The following ARID1B variants were observed in gnomAD, a reference collection of about 807,000 sequenced individuals.
ARID1B encodes AT-rich interactive domain-containing protein 1B.
Under a neutral mutation model 212.3 loss-of-function variants are expected in ARID1B, and 30 were observed. The ratio of observed to expected loss-of-function variants is 0.14; its 90% CI spans 0.11 to 0.19. The LOEUF is 0.19. Among genes scored for constraint, ARID1B ranks in the 10% least tolerant of loss-of-function variants. The pLI is 1.00. For missense variants in ARID1B, 2,891 were observed against 3,204.0 expected (o/e 0.90, Z 2.36); for synonymous variants, 1,402 against 1,301.7 (o/e 1.08, Z -1.66).
At chr6:157,121,694 G>A (rs900174514) in intron 6 of ARID1B, among the ~76,000 whole-genome samples, 11 of 148,024 alleles carry the variant, frequency 7.4e-5, no homozygotes, top group African/African-American at 2.0e-4. Context: ...GTGCAGTGGC[G>A]CGTCTCTGCT....
chr6:156,822,111 T>C (rs541083935), intron 1 of ARID1B, among the ~76,000 whole-genome samples: 3 of 152,250 alleles, frequency 2.0e-5, no homozygotes, highest in African/African-American at 4.8e-5. Context: ...CCCAAAGTGC[T>C]GAGATTACAG....
intron 2 of ARID1B, among the ~76,000 whole-genome samples, chr6:156,859,091 A>G (rs915323257): frequency 6.6e-6 from 1 of 152,044 alleles, no homozygotes; most frequent in Non-Finnish European, 1.5e-5. Flanking sequence ...TTTGATAGGA[A>G]TTTTTCAGTA....
chr6:156,857,080 G>T (rs950789155), intron 2 of ARID1B, among the ~76,000 whole-genome samples: 1 of 152,146 alleles, frequency 6.6e-6, no homozygotes, highest in Non-Finnish European at 1.5e-5. Flanking sequence ...CATCAGTGTA[G>T]TAAGATTTGT....
At chr6:156,929,652 C>G (rs894145000) in intron 3 of ARID1B, among the ~76,000 whole-genome samples, 7 of 152,222 alleles carry the variant, frequency 4.6e-5, no homozygotes, top group Non-Finnish European at 8.8e-5. Context: ...CCTAGCATAT[C>G]TATACTTGAT....
chr6:156,943,558 T>C (rs537121862), intron 4 of ARID1B: 1 of 152,280 alleles, frequency 6.6e-6, no homozygotes, highest in African/African-American at 2.4e-5. Flanking sequence ...TAGATCATGG[T>C]GTGCACATCT....
intron 15 of ARID1B, among the ~76,000 whole-genome samples, chr6:157,191,615 A>G (rs1793381218): frequency 6.6e-6 from 1 of 152,146 alleles, no homozygotes. Context: ...TTGAGGTGGC[A>G]CTGAGGCTGT....
At chr6:157,161,564 C>T (rs1790950187) in intron 8 of ARID1B, among the ~76,000 whole-genome samples, 1 of 151,856 alleles carries the variant, frequency 6.6e-6, no homozygotes, top group Admixed American at 6.6e-5. Flanking sequence ...CCATGTAATT[C>T]GGGTTGAAAA....
chr6:157,194,985 G>C lies in ARID1B; in HGVS notation c.4232-1180G>C, dbSNP rs1793617779. The C allele has an allele frequency of 2.0e-5, 3 of 152,090 alleles. No individual in the cohort carries two copies. In the South Asian group the frequency reaches 6.2e-4, roughly 32 times the overall value. The allele number at this position is 152,090 out of a possible 1,614,324, so 9.4% of individuals were successfully genotyped here. On this transcript the variant is annotated intron_variant, in intron 15 of 19. Transcript: ENST00000636930. ...AACATTGCACCTCTTATCACTAGGT[G>C]ATACAGCGAGACCCTCTCTCTAAAA...
In ARID1B at chr6:157,148,688, C is replaced by T. The variant is rs528889230; in HGVS notation, c.2826C>T (p.Pro942=). 2.6e-5 allele frequency: 42 copies of T among 1,612,108 alleles called. No individual in the cohort carries two copies. Among genetic ancestry groups the T allele is most frequent in the Middle Eastern group, 1.6e-4 (1 of 6,082 alleles). Residue 942 remains proline, a synonymous_variant, in exon 8 of 20, where the codon CCC becomes CCT. Coordinates refer to ENST00000636930, the MANE Select transcript of ARID1B (RefSeq NM_001374828.1). The surrounding 1 kb of genome is among the most constrained non-coding windows in gnomAD (Gnocchi z 5.6). The part of the protein sequence containing the change: ...VPSASYSGPG[P]GMGISANNQM... ...GTGCAAGCTACAGCGGCCCAGGGCC[C>T]GGTATGGGTATCAGTGCCAACAACC... is the stretch of plus-strand genomic sequence containing the variant.
At chr6:156,909,937 T>C (rs1435136133) in intron 3 of ARID1B, among the ~76,000 whole-genome samples, 1 of 152,168 alleles carries the variant, frequency 6.6e-6, no homozygotes, top group African/African-American at 2.4e-5. Flanking sequence ...TGAAGAGACA[T>C]TGTGATGGAC....
intron 11 of ARID1B, among the ~76,000 whole-genome samples, chr6:157,178,317 C>T (rs374705985): frequency 5.9e-5 from 9 of 152,174 alleles, no homozygotes; most frequent in African/African-American, 1.9e-4. Context: ...CAGAGCACCA[C>T]GCTAAGTGTT....
chr6:157,156,703 G>A lies in ARID1B; in HGVS notation c.3089+7752G>A, dbSNP rs550199426. ...ACCCTCACCCAGCCAGGGGGCCAAG[G>A]CGCGGGAGCCTCAACTCCAAAATCC... On this transcript the variant is annotated intron_variant, in intron 8 of 19. Transcript: ENST00000636930. Among the ~76,000 whole-genome samples, 43 of 152,280 alleles carry A rather than the reference G, an allele frequency of 2.8e-4. No homozygotes were observed. The South Asian group carries it at 8.7e-3, about 31-fold the overall frequency.
chr6:156,952,534 G>A (rs1307565862), intron 4 of ARID1B, among the ~76,000 whole-genome samples: 2 of 152,148 alleles, frequency 1.3e-5, no homozygotes, highest in African/African-American at 4.8e-5. Flanking sequence ...GAAGAAGGTC[G>A]GGCTGCCGTG....
intron 2 of ARID1B, among the ~76,000 whole-genome samples, chr6:156,893,356 G>A (rs1288887588): frequency 6.6e-6 from 1 of 152,180 alleles, no homozygotes; most frequent in Non-Finnish European, 1.5e-5. Context: ...CAGAGGAAAA[G>A]TTTGGCACTG....
At position 157,196,277 on chromosome 6, in the gene ARID1B, G is replaced by T. The variant is rs2128357194; in HGVS notation, c.4344G>T (p.Gln1448His). 1 of 1,605,054 alleles carries T rather than the reference G, an allele frequency of 6.2e-7. No homozygotes were observed. Residue 1448 changes from glutamine to histidine, a missense_variant, in exon 16 of 20, where the codon CAG (glutamine) becomes CAT (histidine). Transcript: ENST00000636930. The stretch of plus-strand genomic sequence containing the variant: ...CAATGTCTAACCTGGGCATGGGGCA[G>T]CGCCAGCAGTTTCCCTATGGAGCCA... ...SGAMSNLGMG[Q>H]RQQFPYGASY...
chr6:157,037,095 A>G (rs1781381357), intron 4 of ARID1B, among the ~76,000 whole-genome samples: 1 of 152,252 alleles, frequency 6.6e-6, no homozygotes, highest in Non-Finnish European at 1.5e-5. Flanking sequence ...ACAATACAGG[A>G]AAACAAGAGT....
chr6:156,819,070 G>A (rs1782176784), intron 1 of ARID1B, among the ~76,000 whole-genome samples: 1 of 152,206 alleles, frequency 6.6e-6, no homozygotes, highest in African/African-American at 2.4e-5. Flanking sequence ...AGGAAGTTAA[G>A]TGGTAGCTTT....
chr6:157,088,869 A>G (rs113177425), intron 5 of ARID1B, among the ~76,000 whole-genome samples: 4 of 152,160 alleles, frequency 2.6e-5, no homozygotes, highest in African/African-American at 9.7e-5. Flanking sequence ...TAGAGACGAC[A>G]TGCTCTCCCA....
intron 4 of ARID1B, among the ~76,000 whole-genome samples, chr6:157,016,581 G>T (rs1779933307): frequency 6.6e-6 from 1 of 152,162 alleles, no homozygotes; most frequent in Non-Finnish European, 1.5e-5. Flanking sequence ...TCCCGAAGAT[G>T]TGCCAGTTAT....
Sources: allele counts gnomAD v4.1 joint callset (sites outside exome capture counted in the v4.1 genomes callset), GRCh38; gene constraint gnomAD v4.1.1; non-coding constraint Gnocchi (gnomAD v3.1); transcripts MANE v1.5; gene names NCBI Gene and HGNC (gene_info 2026-07-23, HGNC 2026-07-21).